The following AP3M1 variants were observed in gnomAD, a reference collection of about 807,000 sequenced individuals.
The protein encoded by AP3M1 is AP-3 complex subunit mu-1.
Under a neutral mutation model 42.6 loss-of-function variants are expected in AP3M1, and 29 were observed. That is an observed-to-expected ratio of 0.68 (90% CI 0.51 to 0.93). The LOEUF (loss-of-function observed/expected upper bound fraction) is 0.93. Among genes scored for constraint, AP3M1 ranks in the 40% least tolerant of loss-of-function variants. The probability of loss-of-function intolerance (pLI) is 0.00; values close to 1 mark genes in which losing one functional copy is unlikely to be tolerated. For missense variants in AP3M1, 416 were observed against 510.2 expected (o/e 0.82, Z 1.78); for synonymous variants, 178 against 175.3 (o/e 1.02, Z -0.12).
intron 2 of AP3M1, 38 bp from the exon 3 acceptor site, chr10:74,136,841 C>A: frequency 7.1e-7 from 1 of 1,407,522 alleles, no homozygotes; most frequent in Non-Finnish European, 9.5e-7. Flanking sequence ...CAATGGAAGG[C>A]AAAAAGAAAG....
intron 6 of AP3M1, among the ~76,000 whole-genome samples, chr10:74,128,100 TAAA>T (rs754897677): frequency 2.9e-5 from 2 of 68,438 alleles, no homozygotes; most frequent in Non-Finnish European, 5.5e-5. Flanking sequence ...AACTCCGGCT[TAAA>T]AAAAAAAAAA....
At chr10:74,130,215 C>T (rs1840742241) in intron 4 of AP3M1, among the ~76,000 whole-genome samples, 2 of 151,336 alleles carry the variant, frequency 1.3e-5, no homozygotes, top group South Asian at 2.1e-4. Flanking sequence ...AATATAGGTG[C>T]GTGCCATGAC....
rs1044335338 is a variant in AP3M1 at position 74,126,168 on chromosome 10, T to C, written c.991A>G (p.Thr331Ala). The C allele has an allele frequency of 4.3e-6, 7 of 1,614,124 alleles. No individual in the cohort carries two copies. Among genetic ancestry groups the C allele is most frequent in the Non-Finnish European group, 5.9e-6 (7 of 1,180,042 alleles). Residue 331 changes from threonine to alanine, a missense_variant, in exon 7 of 9, where the codon ACA becomes GCA. Coordinates refer to ENST00000355264, the MANE Select transcript of AP3M1 (RefSeq NM_012095.6). ...TGTACCTTGGTGACTGGATCAAATG[T>C]ATAGCTGCCTTGTGTGGGTGTCAGG... ...MNLTPTQGSY[T>A]FDPVTKVLTW...
At chr10:74,129,273 G>T in intron 5 of AP3M1, 32 bp from the exon 6 acceptor site, 1 of 1,608,828 alleles carries the variant, frequency 6.2e-7, no homozygotes, top group Non-Finnish European at 8.5e-7. Flanking sequence ...GTCGTTCATA[G>T]ACTATAATGA....
intron 7 of AP3M1, among the ~76,000 whole-genome samples, chr10:74,125,553 T>C (rs1172241114): frequency 1.3e-5 from 2 of 152,198 alleles, no homozygotes; most frequent in Admixed American, 6.5e-5. Context: ...TCAAAAAACA[T>C]GTCTTTTCAT....
chr10:74,133,119 G>A (rs142868443), intron 4 of AP3M1, among the ~76,000 whole-genome samples: 2 of 152,114 alleles, frequency 1.3e-5, no homozygotes, highest in East Asian at 3.9e-4. Context: ...CCAGGGCCGG[G>A]AGCGGTGGCT....
chr10:74,124,753 C>T (rs778284379), intron 7 of AP3M1, among the ~76,000 whole-genome samples: 2 of 152,068 alleles, frequency 1.3e-5, no homozygotes, highest in Non-Finnish European at 2.9e-5. Context: ...GTATTAGCAC[C>T]GTGCTTAGCA....
At chr10:74,140,034 C>T (rs1042678476) in intron 1 of AP3M1, among the ~76,000 whole-genome samples, 3 of 152,094 alleles carry the variant, frequency 2.0e-5, no homozygotes, top group African/African-American at 7.2e-5. Flanking sequence ...ACAACAGGGG[C>T]GAACGGGGTG....
chr10:74,149,375 C>T (rs908822423), intron 1 of AP3M1, among the ~76,000 whole-genome samples: 1 of 130,652 alleles, frequency 7.7e-6, no homozygotes, highest in Non-Finnish European at 1.6e-5. Context: ...CTGCAACTTC[C>T]GCCTCCCGGG....
At chr10:74,139,451 TAAA>T (rs3037356) in intron 1 of AP3M1, among the ~76,000 whole-genome samples, 13 of 146,498 alleles carry the variant, frequency 8.9e-5, no homozygotes, top group South Asian at 2.2e-4. Flanking sequence ...TCATCTCTAT[TAAA>T]AAAAAAAAAA....
chr10:74,149,267 GTTTTTTTTTTTTTTTTTTTTTTTTTT>G (rs57279906), intron 1 of AP3M1, among the ~76,000 whole-genome samples: 1 of 60,060 alleles, frequency 1.7e-5, no homozygotes, highest in African/African-American at 6.1e-5. Context: ...GATACGTAAG[GTTTTTTTTTTTTTTTTTTTTTTTTTT>G]TTTTTTTTTT....
intron 2 of AP3M1, among the ~76,000 whole-genome samples, chr10:74,137,728 T>C (rs558030650): frequency 8.8e-4 from 134 of 152,370 alleles, no homozygotes; most frequent in Non-Finnish European, 1.7e-3. Context: ...TCTAGATTAC[T>C]TGTAATATCT....
chr10:74,133,855 C>T (rs1840859178), intron 4 of AP3M1, among the ~76,000 whole-genome samples, 172 bp downstream of exon 4: 1 of 151,890 alleles, frequency 6.6e-6, no homozygotes, highest in Admixed American at 6.6e-5. Flanking sequence ...AGAGTTTCAC[C>T]ATGTTGGCCA....
At chr10:74,150,109 C>T (rs973286169) in intron 1 of AP3M1, among the ~76,000 whole-genome samples, 4 of 152,190 alleles carry the variant, frequency 2.6e-5, no homozygotes, top group Admixed American at 1.3e-4. Flanking sequence ...GCTTAATTCT[C>T]ATAATTTTTT....
At chr10:74,136,583 T>C (rs1404702888) in intron 3 of AP3M1, 49 bp downstream of exon 3, 18 of 1,368,830 alleles carry the variant, frequency 1.3e-5, no homozygotes, top group African/African-American at 1.3e-4. Context: ...ATGAGTTGTT[T>C]ACAAAGTTTT....
At chr10:74,139,700 G>A (rs769483289) in intron 1 of AP3M1, among the ~76,000 whole-genome samples, 40 of 151,544 alleles carry the variant, frequency 2.6e-4, no homozygotes, top group Non-Finnish European at 4.3e-4. Context: ...GGTGGATCAC[G>A]AGGTCAGGAG....
chr10:74,146,643 T>C (rs997979366), intron 1 of AP3M1, among the ~76,000 whole-genome samples: 3 of 152,170 alleles, frequency 2.0e-5, no homozygotes, highest in Non-Finnish European at 4.4e-5. Flanking sequence ...CAAATAAATA[T>C]ATTCAAAAAA....
intron 4 of AP3M1, among the ~76,000 whole-genome samples, chr10:74,132,536 CAAAT>C (rs1425996425): frequency 6.6e-6 from 1 of 151,496 alleles, no homozygotes; most frequent in Non-Finnish European, 1.5e-5. Flanking sequence ...ACAAAAAAAA[CAAAT>C]AAAAGTTAGC....
chr10:74,133,896 G>A (rs898637099), intron 4 of AP3M1, 131 bp downstream of exon 4: 25 of 1,052,100 alleles, frequency 2.4e-5, no homozygotes, highest in East Asian at 5.5e-5. Flanking sequence ...CTCATGTTCC[G>A]CCTGCCTTGG....
Sources: allele counts gnomAD v4.1 joint callset (sites outside exome capture counted in the v4.1 genomes callset), GRCh38; gene constraint gnomAD v4.1.1; transcripts MANE v1.5; gene names NCBI Gene and HGNC (gene_info 2026-07-23, HGNC 2026-07-21).